Variants in TET2 observed in about 807,000 individuals in gnomAD.
TET2 encodes methylcytosine dioxygenase TET2.
In TET2, 299 loss-of-function variants were observed where a neutral mutation model predicts 142.9. The observed-to-expected ratio is 2.09, with a 90% CI of 1.90 to 2.30. The LOEUF (loss-of-function observed/expected upper bound fraction) is 2.30. Among genes scored for constraint, TET2 ranks in the 30% most tolerant of loss-of-function variants. TET2 has a pLI of 0.00. For missense variants in TET2, 2,418 were observed against 2,378.0 expected (o/e 1.02, Z -0.35); for synonymous variants, 819 against 849.0 (o/e 0.96, Z 0.61).
chr4:105,267,024 GA>G (rs1175799336), intron 8 of TET2, among the ~76,000 whole-genome samples: 1 of 151,170 alleles, frequency 6.6e-6, no homozygotes, highest in African/African-American at 2.4e-5. Flanking sequence ...CACTAGGTGG[GA>G]AAAAATAAGA....
At chr4:105,258,835 A>G (rs1450453875) in intron 6 of TET2, among the ~76,000 whole-genome samples, 1 of 152,162 alleles carries the variant, frequency 6.6e-6, no homozygotes, top group Non-Finnish European at 1.5e-5. Context: ...TATTGTCATT[A>G]GAATGTATCA....
chr4:105,203,512 C>T (rs558348968), intron 2 of TET2, among the ~76,000 whole-genome samples: 3 of 151,462 alleles, frequency 2.0e-5, no homozygotes, highest in African/African-American at 7.3e-5. Flanking sequence ...TTACATTACA[C>T]AGAAGGGAGT....
At chr4:105,261,708 T>A in intron 7 of TET2, 51 bp from the exon 8 acceptor site, 1 of 1,151,550 alleles carries the variant, frequency 8.7e-7, no homozygotes, top group South Asian at 1.4e-5. Flanking sequence ...CTCTTTTACA[T>A]AGAGAAAATG....
Position 105,243,673 on chromosome 4 carries a change from G to T in TET2, c.3698G>T (p.Trp1233Leu). The T allele has an allele frequency of 6.4e-7, 1 of 1,551,536 alleles. No homozygotes were observed. Among genetic ancestry groups the T allele is most frequent in the Non-Finnish European group, 8.7e-7 (1 of 1,146,962 alleles). ...AAVIVILILV[W>L]EGIPLSLADK... The stretch of plus-strand genomic sequence containing the variant: ...GTGATTGTGATTCTCATCCTGGTGT[G>T]GGAAGGAATCCCGCTGTCTCTGGCT... The change falls in exon 6 of 11, where the codon TGG becomes TTG. Residue 1233 changes from tryptophan to leucine, a missense_variant. Coordinates refer to ENST00000380013, the MANE Select transcript of TET2 (RefSeq NM_001127208.3).
rs1422505025 is a variant in TET2 at position 105,236,447 on chromosome 4, A to G, written c.2505A>G (p.Ser835=). 1 of 1,614,010 alleles carries G rather than the reference A, an allele frequency of 6.2e-7. No homozygotes were observed. Among genetic ancestry groups the G allele is most frequent in the Admixed American group, 1.7e-5 (1 of 59,990 alleles). Residue 835 remains serine, a synonymous_variant, in exon 3 of 11, where the codon TCA becomes TCG. Coordinates refer to ENST00000380013, the MANE Select transcript of TET2 (RefSeq NM_001127208.3). ...CATGCAAAATACAGGTTTCTTGTTCAAACAATACACACCTAGTTTCAGAGA... is the reference window on the plus strand; with the variant it reads ...CATGCAAAATACAGGTTTCTTGTTCGAACAATACACACCTAGTTTCAGAGA... ...SSACKIQVSC[S]NNTHLVSENK...
chr4:105,220,446 A>C (rs1727747754), intron 2 of TET2, among the ~76,000 whole-genome samples: 1 of 152,122 alleles, frequency 6.6e-6, no homozygotes, highest in Admixed American at 6.6e-5. Flanking sequence ...TCCCAACTCA[A>C]GCCTGAGTCA....
At chr4:105,233,341 G>T (rs1728614932) in intron 2 of TET2, among the ~76,000 whole-genome samples, 1 of 129,870 alleles carries the variant, frequency 7.7e-6, no homozygotes, top group South Asian at 2.5e-4. Context: ...CCAAGATTGT[G>T]CCGCTGCACT....
At chr4:105,191,698 G>A (rs1051697846) in intron 2 of TET2, among the ~76,000 whole-genome samples, 3 of 152,162 alleles carry the variant, frequency 2.0e-5, no homozygotes, top group Non-Finnish European at 4.4e-5. Context: ...TTCTGGTGCT[G>A]AGAAATCCTT....
At chr4:105,173,574 G>C (rs1011341190) in intron 1 of TET2, among the ~76,000 whole-genome samples, 2 of 152,002 alleles carry the variant, frequency 1.3e-5, no homozygotes, top group Non-Finnish European at 2.9e-5. Flanking sequence ...AAACTGCAGA[G>C]AAGAATGAGT....
At chr4:105,220,711 C>G (rs987682706) in intron 2 of TET2, among the ~76,000 whole-genome samples, 1 of 152,118 alleles carries the variant, frequency 6.6e-6, no homozygotes, top group Non-Finnish European at 1.5e-5. Flanking sequence ...GGCAGGCATC[C>G]GAATACTGGC....
At chr4:105,274,731 GGA>G (rs1001675541) in intron 10 of TET2, among the ~76,000 whole-genome samples, 1 of 152,116 alleles carries the variant, frequency 6.6e-6, no homozygotes, top group Non-Finnish European at 1.5e-5. Context: ...GGAAGGATAG[GGA>G]GAGAGGGAGG....
Position 105,243,616 on chromosome 4 carries a change from G to A in TET2, c.3641G>A (p.Arg1214Gln), listed in dbSNP as rs765414159. Residue 1214 changes from arginine (R) to glutamine (Q), a missense_variant, in exon 6 of 11, where the codon CGG (arginine) becomes CAG (glutamine). Transcript: ENST00000380013. ...SSEEKLLCLV[R>Q]ERAGHTCEAA... is the part of the protein sequence containing the mutation. ...GAAGAGAAGCTACTGTGTTTGGTGC[G>A]GGAGCGAGCTGGCCACACCTGTGAG... The A allele has an allele frequency of 3.9e-6, 6 of 1,551,440 alleles. No individual in the cohort carries two copies. Among genetic ancestry groups the A allele is most frequent in the African/African-American group, 1.4e-5 (1 of 73,020 alleles).
In TET2 at chr4:105,275,669, A is replaced by AATTGCCTCCTTATCCCACTCATG. The variant is rs1731179487; in HGVS notation, c.5161_5183dup (p.Glu1728AspfsTer25). Reference sequence around the variant, plus strand: ...AGACCAAATGTACATCATGTAGGGAAATTGCCTCCTTATCCCACTCATGAG... The same window carrying AATTGCCTCCTTATCCCACTCATG: ...AGACCAAATGTACATCATGTAGGGAAATTGCCTCCTTATCCCACTCATGATTGCCTCCTTATCCCACTCATGAG... On this transcript the variant is annotated frameshift_variant, in exon 11 of 11. Coordinates refer to ENST00000380013, the MANE Select transcript of TET2 (RefSeq NM_001127208.3). LOFTEE classifies it low-confidence loss of function (END_TRUNC). 1 of 1,551,792 alleles carries AATTGCCTCCTTATCCCACTCATG rather than the reference A, an allele frequency of 6.4e-7. No homozygotes were observed. The highest frequency in any genetic ancestry group is 8.7e-7 in the Non-Finnish European group (1 of 1,147,020).
chr4:105,155,409 T>G (rs1262699916), intron 1 of TET2, among the ~76,000 whole-genome samples: 1 of 152,220 alleles, frequency 6.6e-6, no homozygotes, highest in Non-Finnish European at 1.5e-5. Flanking sequence ...GCTCTCCATC[T>G]TTGCTACACA....
chr4:105,181,959 T>G (rs899963493), intron 1 of TET2, among the ~76,000 whole-genome samples: 2 of 152,118 alleles, frequency 1.3e-5, no homozygotes, highest in Non-Finnish European at 2.9e-5. Context: ...CCTCATACTT[T>G]CATTTTTATA....
At position 105,222,591 on chromosome 4, in the gene TET2, G is replaced by C. The variant is rs535752990; in HGVS notation, c.-46-11306G>C. On this transcript the variant is annotated intron_variant, in intron 2 of 10. Transcript: ENST00000380013. ...GTTTTTTTCTTGTAAATTTGTTTGA[G>C]TTCTTTGTAGATTCTGGATATTAGC... Among the ~76,000 whole-genome samples, 8 of 152,266 alleles carry C rather than the reference G, an allele frequency of 5.3e-5. No individual in the cohort carries two copies. The South Asian group carries it at 1.7e-3, about 32-fold the overall frequency.
Position 105,278,299 on chromosome 4 carries a change from G to A in TET2, c.*1780G>A, listed in dbSNP as rs1413521110. The A allele has an allele frequency of 4.9e-6, 1 of 204,074 alleles. No individual in the cohort carries two copies. Among genetic ancestry groups the A allele is most frequent in the Admixed American group, 6.1e-5 (1 of 16,456 alleles). 12.6% of individuals were successfully genotyped at this position (204,074 alleles called of 1,614,324 possible). Reference sequence around the variant, plus strand: ...AGAATTCATTAAATGTTTGAGTGATGTTCCTACTTGTCATATACCTCAACA... The same window carrying A: ...AGAATTCATTAAATGTTTGAGTGATATTCCTACTTGTCATATACCTCAACA... On this transcript the variant is annotated 3_prime_UTR_variant, in exon 11 of 11. Transcript: ENST00000380013.
At chr4:105,273,101 G>A (rs1731044702) in intron 10 of TET2, among the ~76,000 whole-genome samples, 183 bp downstream of exon 10, 1 of 152,110 alleles carries the variant, frequency 6.6e-6, no homozygotes, top group African/African-American at 2.4e-5. Flanking sequence ...CATTACCTAG[G>A]TATTAAGCCC....
At chr4:105,254,079 T>C (rs1303919476) in intron 6 of TET2, among the ~76,000 whole-genome samples, 9 of 152,202 alleles carry the variant, frequency 5.9e-5, no homozygotes, top group African/African-American at 2.2e-4. Flanking sequence ...TATTAGTCTG[T>C]AGTTATCTTT....
Sources: allele counts gnomAD v4.1 joint callset (sites outside exome capture counted in the v4.1 genomes callset), GRCh38; gene constraint gnomAD v4.1.1; transcripts MANE v1.5; gene names NCBI Gene and HGNC (gene_info 2026-07-23, HGNC 2026-07-21).